Variants in MACROD2 observed in about 807,000 individuals in gnomAD.
MACROD2 encodes mono-ADP ribosylhydrolase 2.
Under a neutral mutation model 70.4 loss-of-function variants are expected in MACROD2, and 36 were observed. That is an observed-to-expected ratio of 0.51 (90% CI 0.39 to 0.68). The LOEUF (loss-of-function observed/expected upper bound fraction) is 0.68. Ranked by LOEUF, MACROD2 falls within the 30% of genes least tolerant of loss-of-function variation. The probability of loss-of-function intolerance (pLI) is 0.00; values close to 1 mark genes in which losing one functional copy is unlikely to be tolerated. For synonymous variants in MACROD2, 172 were observed against 178.8 expected, an observed-to-expected ratio of 0.96 and a Z score of 0.30; for missense variants, 496 against 538.4, an observed-to-expected ratio of 0.92 and a Z score of 0.78.
chr20:15,530,044 CAG>C (rs1396723386), intron 8 of MACROD2, among the ~76,000 whole-genome samples: 1 of 152,088 alleles, frequency 6.6e-6, no homozygotes, highest in African/African-American at 2.4e-5. Flanking sequence ...GTATTTGAAA[CAG>C]AAAAAATTAA....
chr20:14,582,435 C>T (rs539580479), intron 4 of MACROD2, among the ~76,000 whole-genome samples: 2 of 152,230 alleles, frequency 1.3e-5, no homozygotes, highest in East Asian at 3.9e-4. Context: ...TTAAGATCCT[C>T]CTCCTGATGT....
intron 6 of MACROD2, among the ~76,000 whole-genome samples, chr20:15,301,335 A>G (rs987710046): frequency 6.6e-6 from 1 of 152,206 alleles, no homozygotes; most frequent in African/African-American, 2.4e-5. Flanking sequence ...CAGAGGAGGA[A>G]TGAGACAGAA....
At chr20:14,540,343 A>G (rs1199533207) in intron 4 of MACROD2, among the ~76,000 whole-genome samples, 1 of 152,206 alleles carries the variant, frequency 6.6e-6, no homozygotes, top group African/African-American at 2.4e-5. Flanking sequence ...AAGAAGCAGT[A>G]GCAGCTTCAA....
intron 3 of MACROD2, among the ~76,000 whole-genome samples, chr20:14,304,146 A>G (rs1227497149): frequency 6.6e-6 from 1 of 152,196 alleles, no homozygotes; most frequent in Non-Finnish European, 1.5e-5. Context: ...TTTTCAGGTA[A>G]GAAAATTTCC....
rs2051639718 is a variant in MACROD2, at chr20:15,772,093, A to ATAT, written c.646-90652_646-90651insTAT. ...AAGTGAGACTCGGTCTCAAAAAAAA[A>ATAT]AAAAAAAAATATATATATATATATA... On this transcript the variant is annotated intron_variant, in intron 8 of 17. Transcript: ENST00000684519. Among the ~76,000 whole-genome samples the ATAT allele has an allele frequency of 3.1e-5, 3 of 96,240 alleles. No homozygotes were observed. The South Asian group carries it at 1.4e-3, about 46-fold the overall frequency. The allele number at this position is 96,240 out of a possible 152,430, so 63.1% of individuals were successfully genotyped here.
At chr20:15,483,957 T>G (rs1600478556) in intron 7 of MACROD2, among the ~76,000 whole-genome samples, 1 of 152,212 alleles carries the variant, frequency 6.6e-6, no homozygotes, top group South Asian at 2.1e-4. Flanking sequence ...CCAGGATTTT[T>G]GGGTCAAACC....
rs375275063 is a variant in MACROD2 at position 15,543,232 on chromosome 20, G to A, written c.645+43385G>A. On this transcript the variant is annotated intron_variant, in intron 8 of 17. Coordinates refer to ENST00000684519, the MANE Select transcript of MACROD2 (RefSeq NM_001351661.2). ...TAAACCAGGTTCAAATGTATCAGTT[G>A]TGTGTCCCTGAGCATGTTACTTAAC... Among the ~76,000 whole-genome samples the A allele has an allele frequency of 7.0e-4, 107 of 152,282 alleles. 1 individual carries two copies. Among genetic ancestry groups the A allele is most frequent in the African/African-American group, 2.4e-3 (99 of 41,544 alleles).
At chr20:15,366,937 A>G (rs994143757) in intron 6 of MACROD2, among the ~76,000 whole-genome samples, 3 of 152,054 alleles carry the variant, frequency 2.0e-5, no homozygotes, top group South Asian at 2.1e-4. Context: ...TTGTCTTGAC[A>G]CACTAATCCA....
chr20:15,077,946 A>G lies in MACROD2; in HGVS notation c.419-151994A>G, dbSNP rs1349329029. On this transcript the variant is annotated intron_variant, in intron 5 of 17. Transcript: ENST00000684519. ...GAGCTGGGCTGGGGGAGGGGGAGGC[A>G]TTCTCAGAAAGCTCACAGGACTCAA... 3.3e-5 allele frequency among the ~76,000 whole-genome samples: 5 copies of G among 152,064 alleles called. No individual in the cohort carries two copies. The South Asian group carries it at 6.2e-4, about 19-fold the overall frequency.
intron 6 of MACROD2, among the ~76,000 whole-genome samples, chr20:15,397,054 T>G (rs2045869085): frequency 6.6e-6 from 1 of 152,224 alleles, no homozygotes; most frequent in Non-Finnish European, 1.5e-5. Context: ...GATAGCTGTC[T>G]GTTTTATAAA....
intron 5 of MACROD2, among the ~76,000 whole-genome samples, chr20:15,138,804 A>G (rs541360637): frequency 2.0e-5 from 3 of 152,254 alleles, no homozygotes; most frequent in African/African-American, 7.2e-5. Flanking sequence ...TGAGTCATTT[A>G]TTTCTTAATA....
At chr20:16,029,522 GT>G (rs1346873290) in intron 15 of MACROD2, among the ~76,000 whole-genome samples, 1 of 152,156 alleles carries the variant, frequency 6.6e-6, no homozygotes, top group East Asian at 1.9e-4. Context: ...AACAAAAACA[GT>G]AATTAAACGA....
chr20:14,960,315 T>A lies in MACROD2; in HGVS notation c.419-269625T>A, dbSNP rs964280106. On this transcript the variant is annotated intron_variant, in intron 5 of 17. Coordinates refer to ENST00000684519, the MANE Select transcript of MACROD2 (RefSeq NM_001351661.2). ...ACCACTCCCTGGATGCTTCGTCATA[T>A]CACTGGGAGAGAAGGTGGAGAATGT... Among the ~76,000 whole-genome samples, 4 of 152,136 alleles carry A rather than the reference T, an allele frequency of 2.6e-5. No individual in the cohort carries two copies. In the East Asian group the frequency reaches 7.7e-4, roughly 29 times the overall value.
intron 8 of MACROD2, among the ~76,000 whole-genome samples, chr20:15,682,598 G>A (rs2050174554): frequency 6.6e-6 from 1 of 152,166 alleles, no homozygotes; most frequent in African/African-American, 2.4e-5. Flanking sequence ...TCAAACCAGT[G>A]AGAGGACCAT....
chr20:15,724,091 G>A (rs2050826803), intron 8 of MACROD2, among the ~76,000 whole-genome samples: 1 of 152,132 alleles, frequency 6.6e-6, no homozygotes, highest in African/African-American at 2.4e-5. Flanking sequence ...GAGGTATCAA[G>A]ATTTTTGGTC....
At chr20:14,035,938 T>C (rs943021623) in intron 2 of MACROD2, among the ~76,000 whole-genome samples, 37 of 152,246 alleles carry the variant, frequency 2.4e-4, no homozygotes, top group African/African-American at 7.7e-4. Flanking sequence ...GTCAGGAGAT[T>C]GAGACCATCC....
chr20:15,644,830 C>T (rs991016707), intron 8 of MACROD2, among the ~76,000 whole-genome samples: 3 of 152,104 alleles, frequency 2.0e-5, no homozygotes, highest in African/African-American at 7.2e-5. Flanking sequence ...GCTGGGATTA[C>T]AGTTGCCCAC....
rs146066459 is a variant in MACROD2, at chr20:15,833,842, C to T, written c.646-28903C>T. Among the ~76,000 whole-genome samples, 1,457 of 152,252 alleles carry T rather than the reference C, an allele frequency of 9.6e-3. 11 individuals are homozygous for T. The highest frequency in any genetic ancestry group is 0.015 in the Non-Finnish European group (990 of 68,028). On this transcript the variant is annotated intron_variant, in intron 8 of 17. Coordinates refer to ENST00000684519, the MANE Select transcript of MACROD2 (RefSeq NM_001351661.2). ...TTCTCCAAATTCATCTCATTAAAAA[C>T]GTGACCATTAATTGATGATCATCCT...
chr20:15,298,122 A>T (rs2077608139), intron 6 of MACROD2, among the ~76,000 whole-genome samples: 3 of 152,174 alleles, frequency 2.0e-5, no homozygotes, highest in Non-Finnish European at 2.9e-5. Flanking sequence ...GACAGCCCTG[A>T]TACACCTGGC....
Sources: gnomAD v4.1 joint callset for allele counts (sites outside exome capture counted in the v4.1 genomes callset) on GRCh38, gnomAD v4.1.1 for gene constraint, MANE v1.5 for transcripts, NCBI Gene and HGNC (gene_info 2026-07-23, HGNC 2026-07-21) for gene names.